Variants in DSG2 observed in about 807,000 individuals in gnomAD.
The protein encoded by DSG2 is desmoglein-2.
In DSG2, 45 loss-of-function variants were observed where a neutral mutation model predicts 75.6. That is an observed-to-expected ratio of 0.60 (90% CI 0.47 to 0.76). The LOEUF (loss-of-function observed/expected upper bound fraction) is 0.76, where lower values mean the gene tolerates loss of function less well. Among genes scored for constraint, DSG2 ranks in the 30% least tolerant of loss-of-function variants. The pLI is 0.00. For missense variants in DSG2, 1,267 were observed against 1,357.4 expected (o/e 0.93, Z 1.05); for synonymous variants, 429 against 483.9 (o/e 0.89, Z 1.49).
chr18:31,507,218 G>C (rs967637382), intron 1 of DSG2, among the ~76,000 whole-genome samples: 1 of 152,100 alleles, frequency 6.6e-6, no homozygotes, highest in African/African-American at 2.4e-5. Flanking sequence ...GAGAATGATG[G>C]TTTCCAGCTT....
At chr18:31,513,359 T>C (rs944336314) in intron 1 of DSG2, among the ~76,000 whole-genome samples, 1 of 152,194 alleles carries the variant, frequency 6.6e-6, no homozygotes. Context: ...ATAGGAAGGT[T>C]ATGCATGTGC....
chr18:31,538,255 T>C (rs1039993970), intron 11 of DSG2, among the ~76,000 whole-genome samples: 2 of 152,192 alleles, frequency 1.3e-5, no homozygotes, highest in Non-Finnish European at 2.9e-5. Context: ...TGAATGTATA[T>C]AGTGTTGAGA....
intron 9 of DSG2, among the ~76,000 whole-genome samples, chr18:31,532,917 T>A (rs2144335679): frequency 6.6e-6 from 1 of 151,312 alleles, no homozygotes; most frequent in South Asian, 2.2e-4. Context: ...TTTTGTTTGT[T>A]TGTTTGTTTG....
chr18:31,546,906 C>G lies in DSG2; in HGVS notation c.*163C>G. The G allele has an allele frequency of 1.3e-6, 1 of 751,730 alleles. No individual in the cohort carries two copies. The highest frequency in any genetic ancestry group is 2.7e-5 in the East Asian group (1 of 37,336). 46.6% of individuals were successfully genotyped at this position (751,730 alleles called of 1,614,324 possible). A position where few individuals can be genotyped will look rare whatever the true frequency, so the allele number is the denominator to read the frequency against. On this transcript the variant is annotated 3_prime_UTR_variant, in exon 15 of 15. Coordinates refer to ENST00000261590, the MANE Select transcript of DSG2 (RefSeq NM_001943.5). ...TGATATGCAAAGGACCACACTGTCT[C>G]TGCTTCCAGGAGTATTTTAGAAATG...
At chr18:31,522,758 TAGG>T (rs2073136615) in intron 6 of DSG2, 1 of 155,312 alleles carries the variant, frequency 6.4e-6, no homozygotes. Flanking sequence ...AATGAAACAT[TAGG>T]AGGCTCCTCC....
intron 9 of DSG2, 141 bp downstream of exon 9, chr18:31,531,393 A>G (rs1184099485): frequency 4.8e-6 from 5 of 1,043,318 alleles, no homozygotes; most frequent in Non-Finnish European, 5.5e-6. Context: ...TAAATTTTCC[A>G]AAGATGTGTC....
chr18:31,501,722 C>G (rs549332627), intron 1 of DSG2, among the ~76,000 whole-genome samples: 23 of 152,278 alleles, frequency 1.5e-4, no homozygotes, highest in African/African-American at 4.6e-4. Context: ...ATAAGAACAT[C>G]GGTTGTACTG....
At chr18:31,543,204 T>C (rs976342478) in intron 14 of DSG2, 1 of 186,864 alleles carries the variant, frequency 5.4e-6, no homozygotes, top group Non-Finnish European at 1.1e-5. Flanking sequence ...CTGCCGTCCT[T>C]GTGACCCAAA....
Position 31,547,107 on chromosome 18 carries a change from T to TGAC in DSG2, c.*365_*367dup. ...CGTCCAGTAAAGCAACCCAGGAAAC[T>TGAC]GACTGGGTCTCTTTGCCTACCGTAT... is the stretch of plus-strand genomic sequence containing the variant. On this transcript the variant is annotated 3_prime_UTR_variant, in exon 15 of 15. Coordinates refer to ENST00000261590, the MANE Select transcript of DSG2 (RefSeq NM_001943.5). 1 of 370,620 alleles carries TGAC rather than the reference T, an allele frequency of 2.7e-6. No homozygotes were observed. The highest frequency in any genetic ancestry group is 2.3e-5 in the South Asian group (1 of 44,016). The allele number at this position is 370,620 out of a possible 1,614,324, so 23.0% of individuals were successfully genotyped here.
intron 8 of DSG2, among the ~76,000 whole-genome samples, chr18:31,528,634 CGG>C (rs1427517394): frequency 1.3e-4 from 19 of 149,452 alleles, no homozygotes; most frequent in East Asian, 4.0e-4. Context: ...TGCCTGAACC[CGG>C]GAGGCAGAGG....
intron 1 of DSG2, among the ~76,000 whole-genome samples, chr18:31,516,958 A>T (rs1189874735): frequency 6.6e-6 from 1 of 152,216 alleles, no homozygotes; most frequent in Non-Finnish European, 1.5e-5. Context: ...GTGGCTGTGG[A>T]GCAACTGGAT....
chr18:31,546,382 C>T lies in DSG2; in HGVS notation c.2996C>T (p.Ser999Leu), dbSNP rs762717195. 24 of 1,613,886 alleles carry T rather than the reference C, an allele frequency of 1.5e-5. No homozygotes were observed. Among genetic ancestry groups the T allele is most frequent in the South Asian group, 1.4e-4 (13 of 91,056 alleles). ...ERVIQPHGGG[S>L]NPLEGTQHLQ... ...GTAATACAGCCTCATGGGGGTGGAT[C>T]GAATCCTCTGGAAGGCACTCAGCAT... The change falls in exon 15 of 15, where the codon TCG (serine) becomes TTG (leucine). Residue 999 changes from serine to leucine, a missense_variant. Physicochemically the swap from Ser to Leu is moderately radical, Grantham distance 145. Coordinates refer to ENST00000261590, the MANE Select transcript of DSG2 (RefSeq NM_001943.5).
At chr18:31,521,458 A>G (rs1040577401) in intron 5 of DSG2, among the ~76,000 whole-genome samples, 1 of 152,042 alleles carries the variant, frequency 6.6e-6, no homozygotes, top group Admixed American at 6.6e-5. Flanking sequence ...GATTAATGTG[A>G]TGGATAAGGT....
chr18:31,525,126 C>T (rs2073156019), intron 8 of DSG2, among the ~76,000 whole-genome samples: 1 of 152,210 alleles, frequency 6.6e-6, no homozygotes, highest in Non-Finnish European at 1.5e-5. Flanking sequence ...GTACCACCAT[C>T]ATTACTGCTT....
chr18:31,511,082 A>C (rs1370873314), intron 1 of DSG2, among the ~76,000 whole-genome samples: 1 of 152,160 alleles, frequency 6.6e-6, no homozygotes, highest in African/African-American at 2.4e-5. Flanking sequence ...GCAGTATACT[A>C]CCCACTAGAG....
chr18:31,521,454 T>C (rs1428381598), intron 5 of DSG2, among the ~76,000 whole-genome samples: 2 of 152,074 alleles, frequency 1.3e-5, no homozygotes, highest in African/African-American at 2.4e-5. Flanking sequence ...GGTAGATTAA[T>C]GTGATGGATA....
In DSG2 at chr18:31,521,235, G is replaced by A; in HGVS notation, c.515G>A (p.Ser172Asn). 1 of 1,612,176 alleles carries A rather than the reference G, an allele frequency of 6.2e-7. No homozygotes were observed. Among genetic ancestry groups the A allele is most frequent in the East Asian group, 2.2e-5 (1 of 44,818 alleles). The change falls in exon 5 of 15, where the codon AGT (serine) becomes AAT (asparagine). Residue 172 changes from serine to asparagine, a missense_variant. Ser to Asn is a conservative substitution (Grantham distance 46). Coordinates refer to ENST00000261590, the MANE Select transcript of DSG2 (RefSeq NM_001943.5). The part of the protein sequence containing the change: ...DVFVGSVEEL[S>N]AAHTLVMKIN... ...TTTGTTGGGTCTGTTGAAGAGTTGAGTGCAGCACGTAAGAGTCTTTTTTTT... is the reference window on the plus strand; with the variant it reads ...TTTGTTGGGTCTGTTGAAGAGTTGAATGCAGCACGTAAGAGTCTTTTTTTT...
At position 31,538,862 on chromosome 18, in the gene DSG2, TCA is replaced by T. The variant is rs763979613; in HGVS notation, c.1766_1767del (p.Thr589SerfsTer3). The T allele has an allele frequency of 1.9e-6, 3 of 1,614,184 alleles. No homozygotes were observed. Among genetic ancestry groups the T allele is most frequent in the East Asian group, 4.5e-5 (2 of 44,882 alleles). On this transcript the variant is annotated frameshift_variant, in exon 12 of 15. Transcript: ENST00000261590. LOFTEE classifies it high-confidence loss of function. The stretch of plus-strand genomic sequence containing the variant: ...TGTCCTGAAAAGCAGGTCCTTACAC[TCA>T]CAGTTTGTGAGTGTCTGCATGGCAG...
At chr18:31,499,754 G>T (rs1470450135) in intron 1 of DSG2, among the ~76,000 whole-genome samples, 1 of 152,018 alleles carries the variant, frequency 6.6e-6, no homozygotes, top group Non-Finnish European at 1.5e-5. Context: ...TTCAAATAAT[G>T]TAGCAATCAG....
Sources: allele counts gnomAD v4.1 joint callset (sites outside exome capture counted in the v4.1 genomes callset), GRCh38; gene constraint gnomAD v4.1.1; transcripts MANE v1.5; gene names NCBI Gene and HGNC (gene_info 2026-07-23, HGNC 2026-07-21).